YARS1: variants seen among roughly 807,000 people sequenced by gnomAD.
YARS1 encodes tyrosyl-tRNA synthetase 1, also known as tyrosine--tRNA ligase, cytoplasmic.
Under a neutral mutation model 62.2 loss-of-function variants are expected in YARS1, and 36 were observed. The observed-to-expected ratio is 0.58, with a 90% CI of 0.44 to 0.76. The LOEUF is 0.76. YARS1 is among the 30% of genes least tolerant of loss of function. The pLI is 0.00. For missense variants in YARS1, 524 were observed against 639.8 expected, an observed-to-expected ratio of 0.82 and a Z score of 1.95; for synonymous variants, 234 against 244.9, an observed-to-expected ratio of 0.96 and a Z score of 0.42.
At position 32,776,129 on chromosome 1, in the gene YARS1, G is replaced by C; in HGVS notation, c.1477-38C>G. 1 of 1,551,170 alleles carries C rather than the reference G, an allele frequency of 6.4e-7. No homozygotes were observed. Among genetic ancestry groups the C allele is most frequent in the Middle Eastern group, 1.7e-4 (1 of 5,938 alleles). On this transcript the variant is annotated intron_variant, in intron 12 of 12. Transcript: ENST00000373477. This position sits in a 1 kb window ranked among gnomAD's most constrained non-coding sequence, Gnocchi z 4.0. ...GATAAGAGAGATTTTAATGATGGTGGTGGGACTGCAAGAAAACCCCCCCTT... is the reference window on the plus strand; with the variant it reads ...GATAAGAGAGATTTTAATGATGGTGCTGGGACTGCAAGAAAACCCCCCCTT...
intron 4 of YARS1, among the ~76,000 whole-genome samples, chr1:32,799,798 T>TTTTC (rs374474405): frequency 6.6e-6 from 1 of 152,096 alleles, no homozygotes; most frequent in Non-Finnish European, 1.5e-5. Context: ...AGACCTAGTT[T>TTTTC]TTTCTTTCTT....
intron 4 of YARS1, 189 bp from the exon 5 acceptor site, chr1:32,798,032 G>C (rs1269009224): frequency 1.8e-5 from 10 of 558,926 alleles, no homozygotes; most frequent in Non-Finnish European, 3.2e-5. Flanking sequence ...CACCACGCCC[G>C]GCTAATTTTT....
intron 5 of YARS1, among the ~76,000 whole-genome samples, chr1:32,796,770 C>T (rs1235021940): frequency 6.7e-6 from 1 of 150,316 alleles, no homozygotes; most frequent in Admixed American, 6.7e-5. Context: ...TCAAAACCAG[C>T]CTGGCCAACA....
Position 32,775,927 on chromosome 1 carries a change from G to T in YARS1, c.*54C>A. 1 of 1,464,158 alleles carries T rather than the reference G, an allele frequency of 6.8e-7. No individual in the cohort carries two copies. The highest frequency in any genetic ancestry group is 9.6e-7 in the Non-Finnish European group (1 of 1,044,748). 90.7% of individuals were successfully genotyped at this position (1,464,158 alleles called of 1,614,324 possible). On this transcript the variant is annotated 3_prime_UTR_variant, in exon 13 of 13. Coordinates refer to ENST00000373477, the MANE Select transcript of YARS1 (RefSeq NM_003680.4). Reference sequence around the variant, plus strand: ...AAATGGGTGATGGATGGAGCAGACTGAAGAGACAGCAGATGACTCAGTGGT... The same window carrying T: ...AAATGGGTGATGGATGGAGCAGACTTAAGAGACAGCAGATGACTCAGTGGT...
intron 4 of YARS1, among the ~76,000 whole-genome samples, chr1:32,799,241 G>A (rs945102403): frequency 6.6e-6 from 1 of 152,208 alleles, no homozygotes; most frequent in Non-Finnish European, 1.5e-5. Flanking sequence ...GAACTTCAAG[G>A]GAGGTGGGAA....
Position 32,810,991 on chromosome 1 carries a change from T to C in YARS1, c.124A>G (p.Thr42Ala). The change falls in exon 2 of 13, where the codon ACG (threonine) becomes GCG (alanine). Residue 42 changes from threonine to alanine, a missense_variant. Thr to Ala is a moderately conservative substitution (Grantham distance 58). Coordinates refer to ENST00000373477, the MANE Select transcript of YARS1 (RefSeq NM_003680.4). ...ACATGTGGTTTGCCCGTGGTTGCCG[T>C]TCCCCAGTAAATTTTAAGTTCCCGC... ...KERELKIYWG[T>A]ATTGKPHVAY... 1 of 1,614,166 alleles carries C rather than the reference T, an allele frequency of 6.2e-7. No homozygotes were observed. Among genetic ancestry groups the C allele is most frequent in the Non-Finnish European group, 8.5e-7 (1 of 1,180,026 alleles).
intron 5 of YARS1, among the ~76,000 whole-genome samples, chr1:32,797,383 A>G (rs750052371): frequency 6.6e-6 from 1 of 152,080 alleles, no homozygotes; most frequent in Non-Finnish European, 1.5e-5. Context: ...AAAAAAAGAC[A>G]AGAAAAAGAA....
intron 8 of YARS1, chr1:32,783,746 G>A (rs747349250): frequency 6.6e-6 from 1 of 152,134 alleles, no homozygotes; most frequent in Non-Finnish European, 1.5e-5. Flanking sequence ...ATTTCCTTGG[G>A]AATATTTAAT....
intron 7 of YARS1, 102 bp downstream of exon 7, chr1:32,786,838 G>C: frequency 6.9e-7 from 1 of 1,458,694 alleles, no homozygotes; most frequent in South Asian, 1.2e-5. Flanking sequence ...AATCAGGGCA[G>C]CCAGTCCCTG....
At position 32,787,042 on chromosome 1, in the gene YARS1, C is replaced by A. The variant is rs1653252024; in HGVS notation, c.718G>T (p.Asp240Tyr). The A allele has an allele frequency of 6.2e-7, 1 of 1,614,094 alleles. No individual in the cohort carries two copies. Among genetic ancestry groups the A allele is most frequent in the African/African-American group, 1.3e-5 (1 of 74,932 alleles). Residue 240 changes from aspartate to tyrosine, a missense_variant, in exon 7 of 13, where the codon GAT (aspartate) becomes TAT (tyrosine). Physicochemically the swap from Asp to Tyr is radical, Grantham distance 160. Coordinates refer to ENST00000373477, the MANE Select transcript of YARS1 (RefSeq NM_003680.4). ...SKIDLLDRKE[D>Y]VKKKLKKAFC... is the part of the protein sequence containing the mutation. ...GCCTTCTTCAGTTTTTTCTTCACAT[C>A]CTCCTTCCGATCAAGGAGATCAATC... is the stretch of plus-strand genomic sequence containing the variant.
Position 32,786,954 on chromosome 1 carries a change from A to G in YARS1, c.806T>C (p.Phe269Ser), listed in dbSNP as rs1653248260. The change falls in exon 7 of 13, where the codon TTT becomes TCT. Residue 269 changes from phenylalanine to serine, a missense_variant. Physicochemically the swap from Phe to Ser is radical, Grantham distance 155. Coordinates refer to ENST00000373477, the MANE Select transcript of YARS1 (RefSeq NM_003680.4). The part of the protein sequence containing the change: ...GVLSFIKHVL[F>S]PLKSEFVILR... ...GAGAGTGTTACCGGACTTAAGGGGAAAAAGGACATGCTTGATGAAGGACAG... is the reference window on the plus strand; with the variant it reads ...GAGAGTGTTACCGGACTTAAGGGGAGAAAGGACATGCTTGATGAAGGACAG... 1 of 1,614,106 alleles carries G rather than the reference A, an allele frequency of 6.2e-7. No homozygotes were observed. The highest frequency in any genetic ancestry group is 8.5e-7 in the Non-Finnish European group (1 of 1,180,014).
Position 32,786,530 on chromosome 1 carries a change from T to C in YARS1, c.821-83A>G, listed in dbSNP as rs1653235895. The C allele has an allele frequency of 2.5e-5, 27 of 1,073,030 alleles. No homozygotes were observed. In the South Asian group the frequency reaches 3.7e-4, roughly 15 times the overall value. The allele number at this position is 1,073,030 out of a possible 1,614,324, so 66.5% of individuals were successfully genotyped here. A position where few individuals can be genotyped will look rare whatever the true frequency, so the allele number is the denominator to read the frequency against. ...CATGACTATTCCTAGCCCACATGCATGACTATTTGTAGTTTTTGCCATATA... is the reference window on the plus strand; with the variant it reads ...CATGACTATTCCTAGCCCACATGCACGACTATTTGTAGTTTTTGCCATATA... On this transcript the variant is annotated intron_variant, in intron 7 of 12. Transcript: ENST00000373477.
intron 6 of YARS1, among the ~76,000 whole-genome samples, chr1:32,788,336 G>GA (rs1483761394): frequency 6.6e-6 from 1 of 152,034 alleles, no homozygotes; most frequent in African/African-American, 2.4e-5. Flanking sequence ...CTGTAACCTC[G>GA]AACTCCTGCC....
At chr1:32,799,906 C>T (rs1261735317) in intron 4 of YARS1, among the ~76,000 whole-genome samples, 2 of 151,596 alleles carry the variant, frequency 1.3e-5, no homozygotes, top group African/African-American at 2.4e-5. Context: ...TGGCCTCAAG[C>T]GATCCTCCTG....
chr1:32,777,554 T>G (rs975351014), intron 12 of YARS1, among the ~76,000 whole-genome samples: 8 of 152,318 alleles, frequency 5.3e-5, no homozygotes, highest in South Asian at 2.1e-4. Flanking sequence ...GAGGTTGCAG[T>G]GAGCTGAGAT....
intron 5 of YARS1, among the ~76,000 whole-genome samples, chr1:32,792,724 T>C (rs57928583): frequency 0.14 from 20,790 of 151,394 alleles, 1,773 homozygotes; most frequent in South Asian, 0.23. Flanking sequence ...ACTAAAAATA[T>C]AAAAAATTAG....
intron 3 of YARS1, among the ~76,000 whole-genome samples, chr1:32,809,720 A>C (rs1638540390): frequency 6.6e-6 from 1 of 152,218 alleles, no homozygotes. Flanking sequence ...TTAGCAAAAT[A>C]ATGCTTACTT....
intron 1 of YARS1, among the ~76,000 whole-genome samples, chr1:32,814,417 G>A (rs1638651102): frequency 6.6e-6 from 1 of 151,856 alleles, no homozygotes; most frequent in Admixed American, 6.6e-5. Flanking sequence ...TTGAGACGGA[G>A]TCTTGCTCTG....
At chr1:32,792,897 A>T (rs1486849374) in intron 5 of YARS1, among the ~76,000 whole-genome samples, 4 of 151,192 alleles carry the variant, frequency 2.6e-5, no homozygotes, top group Non-Finnish European at 4.4e-5. Context: ...AATAAAAATA[A>T]AAATAAATAA....
Sources: allele counts gnomAD v4.1 joint callset (sites outside exome capture counted in the v4.1 genomes callset), GRCh38; gene constraint gnomAD v4.1.1; non-coding constraint Gnocchi (gnomAD v3.1); transcripts MANE v1.5; gene names NCBI Gene and HGNC (gene_info 2026-07-23, HGNC 2026-07-21).